Variants in PTK2 observed in about 807,000 individuals in gnomAD.
The protein encoded by PTK2 is focal adhesion kinase 1.
Under a neutral mutation model 150.1 loss-of-function variants are expected in PTK2, and 45 were observed. The observed-to-expected ratio is 0.30, with a 90% CI of 0.24 to 0.38. The LOEUF (loss-of-function observed/expected upper bound fraction) is 0.38. Among genes scored for constraint, PTK2 ranks in the 10% least tolerant of loss-of-function variants. The pLI is 1.00. For missense variants in PTK2, 919 were observed against 1,307.3 expected (o/e 0.70, Z 4.58); for synonymous variants, 432 against 449.2 (o/e 0.96, Z 0.48).
At chr8:140,665,469 G>A (rs1237426550) in intron 30 of PTK2, among the ~76,000 whole-genome samples, 1 of 152,100 alleles carries the variant, frequency 6.6e-6, no homozygotes, top group Non-Finnish European at 1.5e-5. Flanking sequence ...CGGATGCAAG[G>A]GGGCAGCCTT....
rs991547107 is a variant in PTK2 at position 140,661,982 on chromosome 8, A to T, written c.2947-2304T>A. Among the ~76,000 whole-genome samples the T allele has an allele frequency of 1.7e-4, 26 of 152,124 alleles. 1 individual carries two copies. Reference sequence around the variant, plus strand: ...CAGTGAAAGGCAGATGCAGGATCAAAGACAGGCTCCTCTTCTTTTCAAAAA... The same window carrying T: ...CAGTGAAAGGCAGATGCAGGATCAATGACAGGCTCCTCTTCTTTTCAAAAA... On this transcript the variant is annotated intron_variant, in intron 31 of 31. Transcript: ENST00000522684.
chr8:140,839,058 T>C (rs1488831021), intron 7 of PTK2, among the ~76,000 whole-genome samples: 1 of 151,658 alleles, frequency 6.6e-6, no homozygotes, highest in Non-Finnish European at 1.5e-5. Context: ...GAAACTAATG[T>C]TGGAAACAGA....
chr8:140,843,817 C>T (rs1360169191), intron 7 of PTK2, among the ~76,000 whole-genome samples: 3 of 152,150 alleles, frequency 2.0e-5, no homozygotes, highest in Admixed American at 2.0e-4. Context: ...TACTTTGGTA[C>T]ATTTGTCACA....
intron 4 of PTK2, among the ~76,000 whole-genome samples, chr8:140,867,077 G>C (rs2100139776): frequency 6.6e-6 from 1 of 152,148 alleles, no homozygotes; most frequent in Admixed American, 6.5e-5. Flanking sequence ...GGCTGCATGA[G>C]GGCAGTGAGT....
chr8:140,744,789 GAAAAAA>G, intron 18 of PTK2, 22 bp from the exon 22 acceptor site: 1 of 658,482 alleles, frequency 1.5e-6, no homozygotes. Flanking sequence ...ATGACCAAAA[GAAAAAA>G]AAAAAAAAAA....
At chr8:140,961,156 C>A (rs2100183049) in intron 1 of PTK2, among the ~76,000 whole-genome samples, 1 of 152,156 alleles carries the variant, frequency 6.6e-6, no homozygotes, top group Non-Finnish European at 1.5e-5. Flanking sequence ...GTTATACATG[C>A]CTTTTACATT....
At chr8:140,751,977 T>C (rs570439902) in intron 17 of PTK2, 6 of 634,650 alleles carry the variant, frequency 9.5e-6, no homozygotes, top group African/African-American at 7.1e-5. Context: ...AGTGCAAAGA[T>C]GTGTAATGGC....
At chr8:140,958,743 G>C (rs764423153) in intron 1 of PTK2, among the ~76,000 whole-genome samples, 8 of 152,166 alleles carry the variant, frequency 5.3e-5, no homozygotes, top group Non-Finnish European at 1.0e-4. Context: ...AAATGTATTT[G>C]AGCATTACTG....
chr8:140,676,119 G>A (rs1297614952), intron 27 of PTK2, among the ~76,000 whole-genome samples: 1 of 152,196 alleles, frequency 6.6e-6, no homozygotes, highest in East Asian at 1.9e-4. Flanking sequence ...GCTCATGCCT[G>A]TAATCCCAGC....
In PTK2 at chr8:140,685,763, T is replaced by C. The variant is rs1340594607; in HGVS notation, c.2562+869A>G. On this transcript the variant is annotated intron_variant, in intron 27 of 31. Coordinates refer to ENST00000522684, the Ensembl canonical transcript of PTK2. Reference sequence around the variant, plus strand: ...TAACAGATGCAAGGTTGTGGAGAAATAGAACACTTAAGACACTGCTGGTGG... The same window carrying C: ...TAACAGATGCAAGGTTGTGGAGAAACAGAACACTTAAGACACTGCTGGTGG... Among the ~76,000 whole-genome samples, 7 of 152,126 alleles carry C rather than the reference T, an allele frequency of 4.6e-5. No individual in the cohort carries two copies. The South Asian group carries it at 1.0e-3, about 23-fold the overall frequency.
chr8:140,921,708 T>G (rs532592394), intron 2 of PTK2, among the ~76,000 whole-genome samples: 1 of 152,216 alleles, frequency 6.6e-6, no homozygotes, highest in Non-Finnish European at 1.5e-5. Flanking sequence ...TTAGGGAATA[T>G]TGAGGTATCC....
At chr8:140,838,037 G>A (rs1243569631) in intron 7 of PTK2, among the ~76,000 whole-genome samples, 1 of 152,014 alleles carries the variant, frequency 6.6e-6, no homozygotes, top group East Asian at 1.9e-4. Context: ...ACTCCAGCCT[G>A]GGCAACAGAG....
At chr8:140,911,229 T>TC (rs2100163030) in intron 2 of PTK2, among the ~76,000 whole-genome samples, 2 of 152,112 alleles carry the variant, frequency 1.3e-5, no homozygotes, top group African/African-American at 4.8e-5. Flanking sequence ...GCCTTTTTTT[T>TC]CTGGCAATTT....
chr8:140,912,411 T>C (rs779473635), intron 2 of PTK2, among the ~76,000 whole-genome samples: 10 of 152,102 alleles, frequency 6.6e-5, no homozygotes, highest in African/African-American at 2.4e-4. Flanking sequence ...GCAGGACTTC[T>C]TGAGCCCAGG....
chr8:140,818,521 ATG>A (rs1260718276), intron 9 of PTK2, among the ~76,000 whole-genome samples, 167 bp from the exon 10 acceptor site: 25 of 152,214 alleles, frequency 1.6e-4, no homozygotes, highest in Non-Finnish European at 3.7e-4. Flanking sequence ...TTGACCCAGG[ATG>A]TGTTAAGCCT....
rs61261890 is a variant in PTK2, at chr8:140,902,924, G to GTTTTTT, written c.-32-12161_-32-12156dup. On this transcript the variant is annotated intron_variant, in intron 2 of 31. Coordinates refer to ENST00000522684, the Ensembl canonical transcript of PTK2. The stretch of plus-strand genomic sequence containing the variant: ...TTGCCTGTTCACTCTGATGAGAGTT[G>GTTTTTT]TTTTTTTTTTTTTTTTTTTTTTTTT... Among the ~76,000 whole-genome samples the GTTTTTT allele has an allele frequency of 2.5e-4, 15 of 58,948 alleles. 1 individual carries two copies. The highest frequency in any genetic ancestry group is 5.4e-4 in the African/African-American group (11 of 20,528). The allele number at this position is 58,948 out of a possible 152,430, so 38.7% of individuals were successfully genotyped here.
intron 17 of PTK2, among the ~76,000 whole-genome samples, chr8:140,748,499 A>C (rs2100060867): frequency 5.3e-5 from 2 of 37,970 alleles, no homozygotes; most frequent in African/African-American, 1.1e-4. Context: ...TCTGTCTCAA[A>C]AAAAAAAAAA....
chr8:140,701,085 GT>G lies in PTK2; in HGVS notation c.2368-64del, dbSNP rs560767413. 3,359 of 1,493,770 alleles carry G rather than the reference GT, an allele frequency of 2.2e-3. 8 individuals carry two copies. The highest frequency in any genetic ancestry group is 0.012 in the Middle Eastern group (70 of 5,696). The allele number at this position is 1,493,770 out of a possible 1,614,324, so 92.5% of individuals were successfully genotyped here. On this transcript the variant is annotated intron_variant, in intron 25 of 31. Coordinates refer to ENST00000522684, the Ensembl canonical transcript of PTK2. Reference sequence around the variant, plus strand: ...AAGTCTATTCCTATGCTCTTACCTTGTTTTATGTGTCTTTCAAGAAAAGATA... The same window carrying G: ...AAGTCTATTCCTATGCTCTTACCTTGTTTATGTGTCTTTCAAGAAAAGATA...
At chr8:140,985,045 T>C (rs2100192801) in intron 1 of PTK2, among the ~76,000 whole-genome samples, 2 of 152,216 alleles carry the variant, frequency 1.3e-5, no homozygotes, top group Admixed American at 1.3e-4. Context: ...ACAACTGTAA[T>C]AACATTATAT....
Sources: allele counts gnomAD v4.1 joint callset (sites outside exome capture counted in the v4.1 genomes callset), GRCh38; gene constraint gnomAD v4.1.1; transcripts MANE v1.5; gene names NCBI Gene and HGNC (gene_info 2026-07-23, HGNC 2026-07-21).